CAMKMT: variants seen among roughly 807,000 people sequenced by gnomAD.
The protein encoded by CAMKMT is CaM KMT.
CAMKMT carries 53 observed loss-of-function variants against 48.0 expected under a neutral mutation model. That is an observed-to-expected ratio of 1.10 (90% confidence interval 0.89 to 1.39). CAMKMT has a LOEUF of 1.39. CAMKMT is among the 40% of genes most tolerant of loss of function. CAMKMT has a pLI of 0.00. For synonymous variants in CAMKMT, 165 were observed against 152.3 expected (o/e 1.08, Z -0.61); for missense variants, 428 against 402.7 (o/e 1.06, Z -0.54).
chr2:44,736,218 C>T (rs1679349406), intron 7 of CAMKMT, among the ~76,000 whole-genome samples: 1 of 152,016 alleles, frequency 6.6e-6, no homozygotes, highest in African/African-American at 2.4e-5. Context: ...TGATTAATTC[C>T]TTCAGCTTTT....
intron 3 of CAMKMT, among the ~76,000 whole-genome samples, chr2:44,447,522 A>G (rs972542016): frequency 2.6e-5 from 4 of 152,210 alleles, no homozygotes; most frequent in African/African-American, 9.7e-5. Flanking sequence ...AGTGGCTTAC[A>G]ACACTAACAT....
intron 7 of CAMKMT, among the ~76,000 whole-genome samples, chr2:44,731,728 T>C (rs1286582163): frequency 6.6e-6 from 1 of 152,192 alleles, no homozygotes; most frequent in African/African-American, 2.4e-5. Flanking sequence ...GCACCTATAA[T>C]GTGGTTTCAT....
In CAMKMT at chr2:44,735,897, C is replaced by CAAACAAAACA. The variant is rs57656418; in HGVS notation, c.624-7690_624-7681dup. On this transcript the variant is annotated intron_variant, in intron 7 of 10. Coordinates refer to ENST00000378494, the MANE Select transcript of CAMKMT (RefSeq NM_024766.5). ...TACTGTACTCGAGCCTGCTCTGTCT[C>CAAACAAAACA]AAACAAAACAAAACAAAACAAAACA... Among the ~76,000 whole-genome samples the CAAACAAAACA allele has an allele frequency of 2.3e-3, 348 of 149,816 alleles. 2 individuals are homozygous for CAAACAAAACA. The highest frequency in any genetic ancestry group is 0.017 in the South Asian group (81 of 4,638).
intron 6 of CAMKMT, among the ~76,000 whole-genome samples, chr2:44,713,830 G>C (rs1678019102): frequency 6.6e-6 from 1 of 152,120 alleles, no homozygotes; most frequent in Non-Finnish European, 1.5e-5. Flanking sequence ...AAAGTCCTGT[G>C]GCTCTGTTTT....
intron 3 of CAMKMT, among the ~76,000 whole-genome samples, chr2:44,418,173 CAA>C (rs776109326): frequency 3.2e-5 from 4 of 124,272 alleles, no homozygotes; most frequent in African/African-American, 9.1e-5. Flanking sequence ...GCCTGGGCGA[CAA>C]GAGCGGAACT....
chr2:44,383,728 T>C (rs909285870), intron 2 of CAMKMT, among the ~76,000 whole-genome samples: 1 of 152,210 alleles, frequency 6.6e-6, no homozygotes, highest in African/African-American at 2.4e-5. Flanking sequence ...GAATATATGA[T>C]GTTTGATTTT....
At chr2:44,467,358 C>G (rs556118755) in intron 3 of CAMKMT, among the ~76,000 whole-genome samples, 4 of 151,722 alleles carry the variant, frequency 2.6e-5, no homozygotes, top group Middle Eastern at 3.2e-3. Context: ...ATGGTGAAAC[C>G]CTGTCTCTAC....
At chr2:44,680,404 TTTCA>T (rs1675949563) in intron 3 of CAMKMT, among the ~76,000 whole-genome samples, 1 of 152,172 alleles carries the variant, frequency 6.6e-6, no homozygotes, top group Middle Eastern at 3.2e-3. Flanking sequence ...AAGGATGTTA[TTTCA>T]TAAGGACACC....
In CAMKMT at chr2:44,647,589, T is replaced by C. The variant is rs185863381; in HGVS notation, c.377-56694T>C. Among the ~76,000 whole-genome samples the C allele has an allele frequency of 1.9e-4, 29 of 152,154 alleles. No individual in the cohort carries two copies. The East Asian group carries it at 5.6e-3, about 29-fold the overall frequency. On this transcript the variant is annotated intron_variant, in intron 3 of 10. Coordinates refer to ENST00000378494, the MANE Select transcript of CAMKMT (RefSeq NM_024766.5). ...TGAACTGTGTTGCTCGGGGGACAAC[T>C]GTGATAACTGAAATTTGTGAATATT...
intron 7 of CAMKMT, among the ~76,000 whole-genome samples, chr2:44,739,055 G>A (rs1239571412): frequency 1.3e-5 from 2 of 152,158 alleles, no homozygotes; most frequent in African/African-American, 4.8e-5. Context: ...AGTAGATGAG[G>A]ACAGAGTGGT....
chr2:44,379,420 A>G (rs1240435127), intron 2 of CAMKMT, among the ~76,000 whole-genome samples: 1 of 152,134 alleles, frequency 6.6e-6, no homozygotes, highest in African/African-American at 2.4e-5. Flanking sequence ...TCTCTTGGGT[A>G]TGTACCCAGG....
intron 3 of CAMKMT, among the ~76,000 whole-genome samples, chr2:44,466,234 C>T (rs1386519474): frequency 6.6e-6 from 1 of 152,198 alleles, no homozygotes; most frequent in Non-Finnish European, 1.5e-5. Context: ...ACATTTTTCT[C>T]AAGCACATAT....
intron 3 of CAMKMT, among the ~76,000 whole-genome samples, chr2:44,604,909 C>T (rs1236561436): frequency 2.0e-5 from 3 of 152,048 alleles, no homozygotes; most frequent in African/African-American, 2.4e-5. Flanking sequence ...GGCTCACTTT[C>T]GTTAACCAAC....
intron 3 of CAMKMT, among the ~76,000 whole-genome samples, chr2:44,408,182 C>A (rs374948142): frequency 1.1e-4 from 17 of 152,014 alleles, no homozygotes; most frequent in African/African-American, 4.1e-4. Flanking sequence ...CACACCACCA[C>A]GTCCAGCTAA....
intron 3 of CAMKMT, among the ~76,000 whole-genome samples, chr2:44,597,545 C>A (rs1670735311): frequency 6.6e-6 from 1 of 152,174 alleles, no homozygotes; most frequent in Non-Finnish European, 1.5e-5. Flanking sequence ...CTCAGAGGTT[C>A]TTAACCCTTG....
At position 44,703,368 on chromosome 2, in the gene CAMKMT, AT is replaced by A. The variant is rs1236841851; in HGVS notation, c.377-914del. Among the ~76,000 whole-genome samples the A allele has an allele frequency of 4.6e-5, 7 of 152,288 alleles. No homozygotes were observed. The South Asian group carries it at 1.4e-3, about 32-fold the overall frequency. On this transcript the variant is annotated intron_variant, in intron 3 of 10. Transcript: ENST00000378494. ...GATTTATGGATGACAATTTTAGAAA[AT>A]GTCCATCCATGCAATTTAGCAGGTA...
chr2:44,663,844 A>T (rs57643821), intron 3 of CAMKMT, among the ~76,000 whole-genome samples: 1,808 of 152,316 alleles, frequency 0.012, 21 homozygotes, highest in African/African-American at 0.035. Flanking sequence ...TACAGCAGTG[A>T]GCAAACCACA....
At chr2:44,666,235 G>T (rs1228172555) in intron 3 of CAMKMT, among the ~76,000 whole-genome samples, 1 of 152,156 alleles carries the variant, frequency 6.6e-6, no homozygotes, top group African/African-American at 2.4e-5. Flanking sequence ...GGAAAGTAGT[G>T]GTTCTGAGCA....
chr2:44,708,492 C>A (rs1677689995), intron 6 of CAMKMT, among the ~76,000 whole-genome samples: 1 of 151,930 alleles, frequency 6.6e-6, no homozygotes, highest in African/African-American at 2.4e-5. Flanking sequence ...CAGAGCCCCA[C>A]CCAGCTAATT....
Sources: allele counts gnomAD v4.1 joint callset (sites outside exome capture counted in the v4.1 genomes callset), GRCh38; gene constraint gnomAD v4.1.1; transcripts MANE v1.5; gene names NCBI Gene and HGNC (gene_info 2026-07-23, HGNC 2026-07-21).